ATXN1: variants seen among roughly 807,000 people sequenced by gnomAD.
ATXN1 encodes the protein ataxin 1.
Under a neutral mutation model 56.4 loss-of-function variants are expected in ATXN1, and 8 were observed. The ratio of observed to expected loss-of-function variants is 0.14; its 90% CI spans 0.08 to 0.26. The LOEUF (loss-of-function observed/expected upper bound fraction) is 0.26. Among genes scored for constraint, ATXN1 ranks in the 10% least tolerant of loss-of-function variants. The pLI is 1.00. For missense variants in ATXN1, 987 were observed against 1,106.5 expected (o/e 0.89, Z 1.53); for synonymous variants, 514 against 494.6 (o/e 1.04, Z -0.52).
At chr6:16,315,691 C>T (rs1760492266) in intron 7 of ATXN1, among the ~76,000 whole-genome samples, 1 of 152,084 alleles carries the variant, frequency 6.6e-6, no homozygotes, top group Non-Finnish European at 1.5e-5. Context: ...GAGATAGGGT[C>T]TTGTTCTGTT....
intron 2 of ATXN1, among the ~76,000 whole-genome samples, chr6:16,699,059 T>C (rs1348353200): frequency 6.6e-6 from 1 of 152,244 alleles, no homozygotes; most frequent in Non-Finnish European, 1.5e-5. Context: ...TTTTGTTTTC[T>C]ATTGTTCAGT....
At chr6:16,591,433 T>C (rs1762721110) in intron 3 of ATXN1, among the ~76,000 whole-genome samples, 1 of 152,234 alleles carries the variant, frequency 6.6e-6, no homozygotes, top group Non-Finnish European at 1.5e-5. Flanking sequence ...CATTTTTATT[T>C]AAATTTACTA....
intron 6 of ATXN1, among the ~76,000 whole-genome samples, chr6:16,455,327 C>A (rs114274437): frequency 2.4e-3 from 363 of 152,312 alleles, no homozygotes; most frequent in African/African-American, 8.5e-3. Context: ...AAAAGATGCT[C>A]CACATTATGA....
At position 16,326,673 on chromosome 6, in the gene ATXN1, G is replaced by A. The variant is rs1236737370; in HGVS notation, c.1638C>T (p.Ala546=). Residue 546 remains alanine, a synonymous_variant, in exon 7 of 8, where the codon GCC becomes GCT. Coordinates refer to ENST00000436367, the MANE Select transcript of ATXN1 (RefSeq NM_001128164.2). This position sits in a 1 kb window ranked among gnomAD's most constrained non-coding sequence, Gnocchi z 6.6. The part of the protein sequence containing the change: ...EALVTQAAYP[A]MVQAQIHLPV... ...GCAGGTGGATCTGGGCCTGCACCAT[G>A]GCTGGGTAGGCGGCCTGGGTGACCA... The A allele has an allele frequency of 6.2e-7, 1 of 1,613,226 alleles. No homozygotes were observed. Among genetic ancestry groups the A allele is most frequent in the Non-Finnish European group, 8.5e-7 (1 of 1,180,030 alleles).
At chr6:16,751,859 C>A (rs1468578227) in intron 2 of ATXN1, among the ~76,000 whole-genome samples, 1 of 152,190 alleles carries the variant, frequency 6.6e-6, no homozygotes, top group Non-Finnish European at 1.5e-5. Context: ...AAACCATACA[C>A]CAGGTACTAT....
chr6:16,746,737 A>G (rs922447138), intron 2 of ATXN1, among the ~76,000 whole-genome samples: 1 of 152,220 alleles, frequency 6.6e-6, no homozygotes, highest in African/African-American at 2.4e-5. Flanking sequence ...ATAAATAATG[A>G]CATAATAATA....
intron 2 of ATXN1, among the ~76,000 whole-genome samples, chr6:16,658,385 C>T (rs1205884988): frequency 6.6e-6 from 1 of 152,134 alleles, no homozygotes; most frequent in Non-Finnish European, 1.5e-5. Context: ...AAAGATAAAG[C>T]ATAAGAGAGA....
At chr6:16,676,884 T>G (rs1758673220) in intron 2 of ATXN1, among the ~76,000 whole-genome samples, 1 of 152,154 alleles carries the variant, frequency 6.6e-6, no homozygotes, top group African/African-American at 2.4e-5. Flanking sequence ...TTTTTTCTAT[T>G]CCATCACAAG....
chr6:16,539,239 CA>C (rs1761665787), intron 4 of ATXN1, among the ~76,000 whole-genome samples: 2 of 152,058 alleles, frequency 1.3e-5, no homozygotes, highest in African/African-American at 2.4e-5. Context: ...TTTTTGCATG[CA>C]GATTTTATCA....
intron 3 of ATXN1, among the ~76,000 whole-genome samples, chr6:16,628,738 T>C (rs975112237): frequency 2.0e-5 from 3 of 152,222 alleles, no homozygotes; most frequent in Non-Finnish European, 4.4e-5. Context: ...GTTCCTGTGA[T>C]AGTTTGCTAA....
At chr6:16,749,439 A>G (rs1358164971) in intron 2 of ATXN1, among the ~76,000 whole-genome samples, 2 of 152,242 alleles carry the variant, frequency 1.3e-5, no homozygotes, top group Admixed American at 1.3e-4. Flanking sequence ...CAAACGCAGC[A>G]TTCATTTTTA....
chr6:16,738,102 G>C (rs1411668007), intron 2 of ATXN1: 1 of 152,128 alleles, frequency 6.6e-6, no homozygotes, highest in Non-Finnish European at 1.5e-5. Context: ...GAATCATACA[G>C]GCCACGAAGA....
At chr6:16,395,915 T>C (rs183446569) in intron 6 of ATXN1, among the ~76,000 whole-genome samples, 1 of 145,840 alleles carries the variant, frequency 6.9e-6, no homozygotes, top group East Asian at 2.0e-4. Context: ...TTCGGGTGGC[T>C]GAGGCAGAAG....
At chr6:16,334,596 G>A (rs1761073549) in intron 6 of ATXN1, among the ~76,000 whole-genome samples, 1 of 152,036 alleles carries the variant, frequency 6.6e-6, no homozygotes, top group African/African-American at 2.4e-5. Context: ...TTGCATCTGT[G>A]GTCCTAGCTA....
intron 2 of ATXN1, among the ~76,000 whole-genome samples, chr6:16,716,647 A>G (rs960201047): frequency 1.3e-5 from 2 of 152,202 alleles, no homozygotes; most frequent in Admixed American, 6.5e-5. Flanking sequence ...TTTTCTGATG[A>G]GGATCAGATA....
chr6:16,683,075 C>G (rs1028836698), intron 2 of ATXN1, among the ~76,000 whole-genome samples: 1 of 151,954 alleles, frequency 6.6e-6, no homozygotes, highest in Non-Finnish European at 1.5e-5. Context: ...GTTTCCAAAA[C>G]ACCACGAAAA....
rs1194816981 is a variant in ATXN1 at position 16,302,047 on chromosome 6, C to G, written c.*4282G>C. The G allele has an allele frequency of 6.5e-6, 1 of 152,686 alleles. No homozygotes were observed. The highest frequency in any genetic ancestry group is 2.4e-5 in the African/African-American group (1 of 41,454). 9.5% of individuals were successfully genotyped at this position (152,686 alleles called of 1,614,324 possible). ...GTGCAAAGAGTGGATTTTATGATTACTAGGAGCTACTGTTCATCTTGAACA... is the reference window on the plus strand; with the variant it reads ...GTGCAAAGAGTGGATTTTATGATTAGTAGGAGCTACTGTTCATCTTGAACA... On this transcript the variant is annotated 3_prime_UTR_variant, in exon 8 of 8. Transcript: ENST00000436367.
Position 16,590,844 on chromosome 6 carries a change from AT to A in ATXN1, c.-488-4938del, listed in dbSNP as rs59157013. Among the ~76,000 whole-genome samples the A allele has an allele frequency of 4.1e-3, 560 of 135,548 alleles. 1 individual carries two copies. The highest frequency in any genetic ancestry group is 6.1e-3 in the African/African-American group (225 of 37,112). The allele number at this position is 135,548 out of a possible 152,430, so 88.9% of individuals were successfully genotyped here. ...GCCACCATGCCTGGCTAATTTTTTA[AT>A]TTTTTTTTTTTTTTGAAACATAGTT... On this transcript the variant is annotated intron_variant, in intron 3 of 7. Coordinates refer to ENST00000436367, the MANE Select transcript of ATXN1 (RefSeq NM_001128164.2).
chr6:16,692,250 T>C (rs575856576), intron 2 of ATXN1, among the ~76,000 whole-genome samples: 1 of 152,140 alleles, frequency 6.6e-6, no homozygotes, highest in East Asian at 1.9e-4. Flanking sequence ...AGCGAGACTC[T>C]GCAAATATGT....
Sources: allele counts gnomAD v4.1 joint callset (sites outside exome capture counted in the v4.1 genomes callset), GRCh38; gene constraint gnomAD v4.1.1; non-coding constraint Gnocchi (gnomAD v3.1); transcripts MANE v1.5; gene names NCBI Gene and HGNC (gene_info 2026-07-23, HGNC 2026-07-21).